SH3KBP1: variants seen among roughly 807,000 people sequenced by gnomAD.
SH3KBP1 encodes the protein SH3 domain-containing kinase-binding protein 1.
Under a neutral mutation model 50.1 loss-of-function variants are expected in SH3KBP1, and 8 were observed. The ratio of observed to expected loss-of-function variants is 0.16; its 90% CI spans 0.09 to 0.29. The LOEUF (loss-of-function observed/expected upper bound fraction) is 0.29. Ranked by LOEUF, SH3KBP1 falls within the 10% of genes least tolerant of loss-of-function variation. SH3KBP1 has a pLI of 1.00. For synonymous variants in SH3KBP1, 227 were observed against 218.6 expected (o/e 1.04, Z -0.34); for missense variants, 377 against 535.2 (o/e 0.70, Z 2.92).
chrX:19,671,981 T>G (rs1354595593), intron 6 of SH3KBP1, among the ~76,000 whole-genome samples: 1 of 112,166 alleles, frequency 8.9e-6, no homozygotes, highest in African/African-American at 3.2e-5. Context: ...AAAAACCATT[T>G]GCTTACTATT....
intron 11 of SH3KBP1, among the ~76,000 whole-genome samples, chrX:19,590,298 C>T (rs1219292969): frequency 9.0e-6 from 1 of 111,077 alleles, no homozygotes; most frequent in Non-Finnish European, 1.9e-5. Context: ...GACAGGAACT[C>T]CAGCAGCCTG....
intron 2 of SH3KBP1, among the ~76,000 whole-genome samples, chrX:19,764,767 A>G (rs932896321): frequency 9.2e-6 from 1 of 108,899 alleles, no homozygotes; most frequent in South Asian, 4.0e-4. Flanking sequence ...GGGTCTCACC[A>G]TCTAGGAAGG....
intron 3 of SH3KBP1, among the ~76,000 whole-genome samples, chrX:19,734,067 CCAACG>C (rs763697193): frequency 1.8e-5 from 2 of 112,329 alleles, no homozygotes; most frequent in Non-Finnish European, 3.8e-5. Context: ...GCAAAAATAG[CCAACG>C]CAGTTACTGA....
intron 6 of SH3KBP1, among the ~76,000 whole-genome samples, chrX:19,650,164 T>C (rs1488469436): frequency 8.9e-6 from 1 of 112,143 alleles, no homozygotes; most frequent in Non-Finnish European, 1.9e-5. Context: ...CCTGGCTTTC[T>C]GGCAGCTATT....
intron 1 of SH3KBP1, among the ~76,000 whole-genome samples, chrX:19,872,648 C>T (rs929742726): frequency 4.6e-5 from 5 of 108,908 alleles, no homozygotes; most frequent in African/African-American, 6.7e-5. Flanking sequence ...TGGTGGCGGG[C>T]GCCTGTAGTC....
At chrX:19,644,809 G>C (rs1362703107) in intron 7 of SH3KBP1, among the ~76,000 whole-genome samples, 4 of 111,385 alleles carry the variant, frequency 3.6e-5, no homozygotes, top group African/African-American at 1.3e-4. Flanking sequence ...AGAAAATTTA[G>C]AATTACATAT....
intron 4 of SH3KBP1, among the ~76,000 whole-genome samples, chrX:19,697,940 C>T (rs1008600310): frequency 3.6e-5 from 4 of 112,298 alleles, no homozygotes; most frequent in African/African-American, 6.5e-5. Flanking sequence ...ATCCAGATGA[C>T]GGCATTCATG....
intron 12 of SH3KBP1, among the ~76,000 whole-genome samples, chrX:19,573,086 G>C (rs778105532): frequency 8.9e-6 from 1 of 111,813 alleles, no homozygotes; most frequent in Non-Finnish European, 1.9e-5. Flanking sequence ...AATGCATTAT[G>C]TATTTGTACA....
At chrX:19,856,402 T>C (rs1335064671) in intron 1 of SH3KBP1, among the ~76,000 whole-genome samples, 2 of 111,709 alleles carry the variant, frequency 1.8e-5, no homozygotes, top group Admixed American at 9.5e-5. Flanking sequence ...AAAGTAACTA[T>C]TGGGTTATTT....
intron 2 of SH3KBP1, among the ~76,000 whole-genome samples, chrX:19,771,251 T>A (rs748640623): frequency 1.8e-5 from 2 of 112,592 alleles, no homozygotes; most frequent in African/African-American, 3.2e-5. Flanking sequence ...ATTTAAAGTA[T>A]GTCCAAAATT....
At chrX:19,877,615 C>G (rs777413433) in intron 1 of SH3KBP1, among the ~76,000 whole-genome samples, 2 of 112,033 alleles carry the variant, frequency 1.8e-5, no homozygotes, top group Non-Finnish European at 3.8e-5. Flanking sequence ...CCCAAGTCTT[C>G]TAAGTCTAGA....
intron 2 of SH3KBP1, among the ~76,000 whole-genome samples, chrX:19,835,202 C>T (rs952356827): frequency 1.8e-5 from 2 of 112,125 alleles, no homozygotes; most frequent in Non-Finnish European, 3.8e-5. Context: ...GGCATGATCA[C>T]GGCTCATTGC....
rs183143374 is a variant in SH3KBP1, at chrX:19,886,502, A to G, written c.4+805T>C. Reference sequence around the variant, plus strand: ...TTCTCTGGGCAGCAAGGTGGTTCCAATGCTCCGGGGTCTAAATCAAATGGG... The same window carrying G: ...TTCTCTGGGCAGCAAGGTGGTTCCAGTGCTCCGGGGTCTAAATCAAATGGG... On this transcript the variant is annotated intron_variant, in intron 1 of 17. Coordinates refer to ENST00000397821, the MANE Select transcript of SH3KBP1 (RefSeq NM_031892.3). 3.5e-3 allele frequency among the ~76,000 whole-genome samples: 393 copies of G among 111,868 alleles called. 1 individual carries two copies. Among genetic ancestry groups the G allele is most frequent in the Non-Finnish European group, 6.3e-3 (333 of 53,079 alleles).
chrX:19,872,640 G>T (rs905643353), intron 1 of SH3KBP1, among the ~76,000 whole-genome samples: 14 of 109,860 alleles, frequency 1.3e-4, no homozygotes, highest in African/African-American at 4.3e-4. Context: ...GCTGGACATG[G>T]TGGCGGGCGC....
At chrX:19,672,477 G>C (rs764724428) in intron 6 of SH3KBP1, among the ~76,000 whole-genome samples, 77 of 111,971 alleles carry the variant, frequency 6.9e-4, no homozygotes, top group African/African-American at 2.4e-3. Flanking sequence ...CGATAAGTAT[G>C]GAATTAATAT....
intron 1 of SH3KBP1, among the ~76,000 whole-genome samples, chrX:19,846,727 A>G (rs1377732004): frequency 8.9e-6 from 1 of 111,909 alleles, no homozygotes; most frequent in Non-Finnish European, 1.9e-5. Context: ...ATTAGAAAAC[A>G]TCGCTCCCCA....
At chrX:19,624,225 G>A (rs1447973039) in intron 8 of SH3KBP1, among the ~76,000 whole-genome samples, 1 of 111,213 alleles carries the variant, frequency 9.0e-6, no homozygotes, top group East Asian at 2.8e-4. Context: ...AATAGAAAGG[G>A]TGGAGATAGA....
At chrX:19,832,142 T>C (rs1160853797) in intron 2 of SH3KBP1, among the ~76,000 whole-genome samples, 3 of 112,260 alleles carry the variant, frequency 2.7e-5, no homozygotes, top group Non-Finnish European at 5.6e-5. Flanking sequence ...TGCTACATCC[T>C]TTCTGCCCTA....
intron 13 of SH3KBP1, among the ~76,000 whole-genome samples, chrX:19,552,069 T>C: frequency 8.9e-6 from 1 of 112,547 alleles, no homozygotes; most frequent in East Asian, 2.8e-4. Context: ...GTAGATAGTA[T>C]AGCTCATACT....
Sources: allele counts gnomAD v4.1 joint callset (sites outside exome capture counted in the v4.1 genomes callset), GRCh38; gene constraint gnomAD v4.1.1; transcripts MANE v1.5; gene names NCBI Gene and HGNC (gene_info 2026-07-23, HGNC 2026-07-21).